PTK2: variants seen among roughly 807,000 people sequenced by gnomAD.
The protein encoded by PTK2 is focal adhesion kinase 1.
Under a neutral mutation model 150.1 loss-of-function variants are expected in PTK2, and 45 were observed. That is an observed-to-expected ratio of 0.30 (90% CI 0.24 to 0.38). The LOEUF is 0.38. PTK2 is among the 10% of genes least tolerant of loss of function. The pLI, the probability that PTK2 is intolerant of heterozygous loss-of-function variation, is 1.00. For missense variants in PTK2, 919 were observed against 1,307.3 expected (o/e 0.70, Z 4.58); for synonymous variants, 432 against 449.2 (o/e 0.96, Z 0.48).
intron 21 of PTK2, among the ~76,000 whole-genome samples, chr8:140,736,662 T>C (rs916636230): frequency 6.6e-6 from 1 of 152,210 alleles, no homozygotes; most frequent in African/African-American, 2.4e-5. Context: ...CCTAGTGCCT[T>C]ATCATCACTG....
At chr8:140,759,278 T>C (rs1394339711) in intron 16 of PTK2, among the ~76,000 whole-genome samples, 6 of 152,096 alleles carry the variant, frequency 3.9e-5, no homozygotes, top group Non-Finnish European at 8.8e-5. Flanking sequence ...GCTAGTAATA[T>C]AAAATGGTAC....
chr8:140,674,229 A>T lies in PTK2; in HGVS notation c.2709+69T>A, dbSNP rs188882352. On this transcript the variant is annotated intron_variant, in intron 29 of 31. Coordinates refer to ENST00000522684, the Ensembl canonical transcript of PTK2. Reference sequence around the variant, plus strand: ...CAACTCCACTCTATGACATGAACACATCAACTGAGAACTAGGGGACACCAC... The same window carrying T: ...CAACTCCACTCTATGACATGAACACTTCAACTGAGAACTAGGGGACACCAC... 2.0e-3 allele frequency: 2,882 copies of T among 1,420,822 alleles called. 11 individuals are homozygous for T. Among genetic ancestry groups the T allele is most frequent in the Middle Eastern group, 0.014 (79 of 5,726 alleles). The allele number at this position is 1,420,822 out of a possible 1,614,324, so 88.0% of individuals were successfully genotyped here. A position where few individuals can be genotyped will look rare whatever the true frequency, so the allele number is the denominator to read the frequency against.
In PTK2 at chr8:140,974,567, T is replaced by A. The variant is rs148734610; in HGVS notation, c.-122+26558A>T. ...CAGTTCAACTTAGAAAACAGTTGCATGTGTTTGCATTTTACTTGGCAGTTT... is the reference window on the plus strand; with the variant it reads ...CAGTTCAACTTAGAAAACAGTTGCAAGTGTTTGCATTTTACTTGGCAGTTT... On this transcript the variant is annotated intron_variant, in intron 1 of 31. Coordinates refer to ENST00000522684, the Ensembl canonical transcript of PTK2. Among the ~76,000 whole-genome samples the A allele has an allele frequency of 3.4e-3, 514 of 152,358 alleles. 4 individuals carry two copies. The highest frequency in any genetic ancestry group is 0.012 in the African/African-American group (499 of 41,580).
intron 27 of PTK2, chr8:140,675,726 T>C: frequency 2.0e-6 from 1 of 497,148 alleles, no homozygotes; most frequent in East Asian, 3.4e-5. Context: ...GAAGCAAGCA[T>C]GGGACACTCT....
intron 8 of PTK2, among the ~76,000 whole-genome samples, chr8:140,827,739 T>C (rs2100112692): frequency 6.6e-6 from 1 of 152,214 alleles, no homozygotes; most frequent in Non-Finnish European, 1.5e-5. Flanking sequence ...TTACCAAATG[T>C]TACTACGTGC....
intron 2 of PTK2, among the ~76,000 whole-genome samples, chr8:140,893,471 C>T (rs901379905): frequency 6.6e-6 from 1 of 152,078 alleles, no homozygotes; most frequent in Non-Finnish European, 1.5e-5. Context: ...TAAAAAGAAA[C>T]GAAGCACTGA....
intron 2 of PTK2, among the ~76,000 whole-genome samples, chr8:140,907,209 A>AACC (rs1418858288): frequency 6.6e-6 from 1 of 152,242 alleles, no homozygotes; most frequent in Admixed American, 6.5e-5. Context: ...ACTGTTGAAT[A>AACC]ACCACTCTAG....
rs370537018 is a variant in PTK2 at position 140,820,076 on chromosome 8, G to GTTTTTTTTT, written c.649-1065_649-1057dup. Among the ~76,000 whole-genome samples the GTTTTTTTTT allele has an allele frequency of 8.6e-4, 43 of 50,248 alleles. 6 individuals are homozygous for GTTTTTTTTT. The highest frequency in any genetic ancestry group is 1.5e-3 in the Admixed American group (5 of 3,282). The allele number at this position is 50,248 out of a possible 152,430, so 33.0% of individuals were successfully genotyped here. A position where few individuals can be genotyped will look rare whatever the true frequency, so the allele number is the denominator to read the frequency against. Reference sequence around the variant, plus strand: ...AGAGGAGTGACTTTATCTGACTTTGGTTTTTTTTTTTTTTTTTTTTTTTTT... The same window carrying GTTTTTTTTT: ...AGAGGAGTGACTTTATCTGACTTTGGTTTTTTTTTTTTTTTTTTTTTTTTTTTTTTTTTT... On this transcript the variant is annotated intron_variant, in intron 8 of 31. Coordinates refer to ENST00000522684, the Ensembl canonical transcript of PTK2.
intron 20 of PTK2, among the ~76,000 whole-genome samples, chr8:140,739,417 A>G (rs988537657): frequency 1.3e-5 from 2 of 152,130 alleles, no homozygotes; most frequent in Non-Finnish European, 1.5e-5. Flanking sequence ...GCTCTGGTAT[A>G]TAAGATTTCA....
intron 23 of PTK2, among the ~76,000 whole-genome samples, chr8:140,714,724 G>C (rs1174879485): frequency 7.0e-6 from 1 of 142,474 alleles, no homozygotes; most frequent in Non-Finnish European, 1.5e-5. Context: ...TTGAACCCAG[G>C]AGGCAGAGGT....
chr8:140,858,197 T>C (rs758165559), intron 5 of PTK2, among the ~76,000 whole-genome samples: 2 of 152,090 alleles, frequency 1.3e-5, no homozygotes, highest in Non-Finnish European at 2.9e-5. Context: ...TGACCTGAAT[T>C]ATGTATCCTT....
intron 7 of PTK2, among the ~76,000 whole-genome samples, chr8:140,833,199 T>C (rs1167384359): frequency 1.3e-5 from 2 of 152,084 alleles, no homozygotes; most frequent in Non-Finnish European, 2.9e-5. Flanking sequence ...ACCTGAAGGC[T>C]AATAATTAGC....
At chr8:140,822,793 G>A (rs1299644666) in intron 8 of PTK2, among the ~76,000 whole-genome samples, 2 of 152,190 alleles carry the variant, frequency 1.3e-5, no homozygotes, top group African/African-American at 4.8e-5. Flanking sequence ...GAAACTCAAT[G>A]ATGTGCTTTT....
intron 2 of PTK2, among the ~76,000 whole-genome samples, chr8:140,893,257 G>T (rs1393071656): frequency 6.6e-6 from 1 of 152,152 alleles, no homozygotes; most frequent in Non-Finnish European, 1.5e-5. Context: ...GGCTGCAGTA[G>T]CTGTGATCAT....
chr8:140,963,072 C>A (rs1256433797), intron 1 of PTK2, among the ~76,000 whole-genome samples: 2 of 152,200 alleles, frequency 1.3e-5, no homozygotes, highest in East Asian at 3.9e-4. Context: ...GTTTCCTCAG[C>A]CCTGTAACAG....
chr8:140,940,509 T>C (rs544506919), intron 1 of PTK2: 1 of 152,118 alleles, frequency 6.6e-6, no homozygotes, highest in South Asian at 2.1e-4. Flanking sequence ...CAGGATCCTG[T>C]ATCAAGGGTA....
chr8:140,735,277 C>A lies in PTK2; in HGVS notation c.2004G>T (p.Arg668Ser), dbSNP rs973684789. The A allele has an allele frequency of 1.9e-6, 3 of 1,613,886 alleles. No individual in the cohort carries two copies. The highest frequency in any genetic ancestry group is 1.3e-5 in the African/African-American group (1 of 74,886). Residue 668 changes from arginine (R) to serine (S), a missense_variant, in exon 22 of 32, where the codon AGG becomes AGT. By Grantham distance (110) the Arg-to-Ser change is moderately radical. Coordinates refer to ENST00000522684, the Ensembl canonical transcript of PTK2. The stretch of plus-strand genomic sequence containing the variant: ...TGAGCTGAGCTTTAAGTTCAGTAAA[C>A]CTGGGCCGCCTGCTGGGGTCATAGG...
intron 24 of PTK2, among the ~76,000 whole-genome samples, chr8:140,704,763 CT>C (rs2100032715): frequency 6.6e-6 from 1 of 152,220 alleles, no homozygotes; most frequent in Middle Eastern, 3.4e-3. Context: ...GACCCTTGTG[CT>C]GGGTCAGGGT....
At chr8:140,742,601 C>T (rs758785506) in intron 20 of PTK2, among the ~76,000 whole-genome samples, 5 of 152,194 alleles carry the variant, frequency 3.3e-5, no homozygotes, top group African/African-American at 4.8e-5. Context: ...TCCTAATGGA[C>T]ACAGATGTGG....
Sources: allele counts gnomAD v4.1 joint callset (sites outside exome capture counted in the v4.1 genomes callset), GRCh38; gene constraint gnomAD v4.1.1; transcripts MANE v1.5; gene names NCBI Gene and HGNC (gene_info 2026-07-23, HGNC 2026-07-21).